NOX4: variants seen among roughly 807,000 people sequenced by gnomAD.
The protein encoded by NOX4 is kidney oxidase-1.
In NOX4, 69 loss-of-function variants were observed where a neutral mutation model predicts 87.6. The ratio of observed to expected loss-of-function variants is 0.79; its 90% confidence interval spans 0.65 to 0.96. NOX4 has a LOEUF of 0.96. NOX4 is among the 40% of genes least tolerant of loss of function. NOX4 has a pLI of 0.00. For missense variants in NOX4, 680 were observed against 681.5 expected (o/e 1.00, Z 0.02); for synonymous variants, 275 against 238.2 (o/e 1.15, Z -1.42).
intron 2 of NOX4, among the ~76,000 whole-genome samples, chr11:89,460,205 A>C (rs950078001): frequency 5.9e-5 from 9 of 152,204 alleles, no homozygotes; most frequent in African/African-American, 2.2e-4. Flanking sequence ...AATCAAAAAA[A>C]CCCTAGAAGA....
chr11:89,440,085 A>G lies in NOX4; in HGVS notation c.475+603T>C, dbSNP rs78715665. On this transcript the variant is annotated intron_variant, in intron 6 of 17. Coordinates refer to ENST00000263317, the MANE Select transcript of NOX4 (RefSeq NM_016931.5). ...GCAGCAGGCACAAAGCAGGCCCTCAATAAGAATGCGGTTGCATTGTTTTGA... is the reference window on the plus strand; with the variant it reads ...GCAGCAGGCACAAAGCAGGCCCTCAGTAAGAATGCGGTTGCATTGTTTTGA... 6.2e-3 allele frequency among the ~76,000 whole-genome samples: 939 copies of G among 152,272 alleles called. 8 individuals carry two copies. Among genetic ancestry groups the G allele is most frequent in the African/African-American group, 0.022 (903 of 41,560 alleles).
the NOX4 span, among the ~76,000 whole-genome samples, chr11:89,581,506 G>T: frequency 6.6e-6 from 1 of 152,016 alleles, no homozygotes; most frequent in Admixed American, 6.6e-5. Flanking sequence ...ATAATTTTGA[G>T]AACTTAGAAA....
intron 2 of NOX4, among the ~76,000 whole-genome samples, chr11:89,458,944 C>T (rs1591308406): frequency 1.3e-5 from 2 of 152,114 alleles, no homozygotes; most frequent in East Asian, 3.9e-4. Context: ...TCCAGCAATC[C>T]CATGATTGAA....
At chr11:89,358,396 A>T (rs1938246759) in intron 12 of NOX4, among the ~76,000 whole-genome samples, 1 of 150,344 alleles carries the variant, frequency 6.7e-6, no homozygotes, top group Admixed American at 6.6e-5. Flanking sequence ...CAAAAAAAAA[A>T]AAAAAAAAAA....
the NOX4 span, chr11:89,577,311 T>A: frequency 6.6e-6 from 1 of 152,160 alleles, no homozygotes; most frequent in East Asian, 1.9e-4. Context: ...ATCTAGAAGA[T>A]TAAGTCACAG....
At chr11:89,524,570 T>C in the NOX4 span, among the ~76,000 whole-genome samples, 1 of 152,094 alleles carries the variant, frequency 6.6e-6, no homozygotes, top group African/African-American at 2.4e-5. Flanking sequence ...GAGGTTCACA[T>C]AAAGTAAAAT....
intron 6 of NOX4, among the ~76,000 whole-genome samples, chr11:89,434,416 C>T (rs1378626994): frequency 2.0e-5 from 3 of 152,174 alleles, no homozygotes; most frequent in East Asian, 1.9e-4. Context: ...CTTCTTTACG[C>T]TTCCTTCCTA....
At chr11:89,404,715 A>G (rs529341317) in intron 8 of NOX4, among the ~76,000 whole-genome samples, 28 of 152,262 alleles carry the variant, frequency 1.8e-4, no homozygotes, top group African/African-American at 6.3e-4. Flanking sequence ...TTCAAATTCT[A>G]TGCTCTTCAC....
chr11:89,457,498 G>A (rs1367368171), intron 2 of NOX4, among the ~76,000 whole-genome samples: 1 of 152,066 alleles, frequency 6.6e-6, no homozygotes, highest in African/African-American at 2.4e-5. Context: ...GGACACCTCA[G>A]CCCCCCGAGT....
At chr11:89,478,898 A>C (rs1398821334) in intron 2 of NOX4, among the ~76,000 whole-genome samples, 1 of 152,094 alleles carries the variant, frequency 6.6e-6, no homozygotes, top group Non-Finnish European at 1.5e-5. Flanking sequence ...ACCCCAGAGA[A>C]TAATCACTTG....
At chr11:89,340,901 A>G (rs1247149455) in intron 14 of NOX4, among the ~76,000 whole-genome samples, 4 of 152,104 alleles carry the variant, frequency 2.6e-5, no homozygotes, top group Admixed American at 2.0e-4. Context: ...ATTTACATCT[A>G]GTATTTAAAA....
intron 11 of NOX4, among the ~76,000 whole-genome samples, chr11:89,384,782 C>T (rs1002631871): frequency 2.0e-4 from 31 of 152,260 alleles, no homozygotes; most frequent in African/African-American, 6.0e-4. Flanking sequence ...GAGCTGGGAC[C>T]GCACCCTGTA....
chr11:89,337,312 G>A (rs1945758757), intron 16 of NOX4, 135 bp downstream of exon 16: 2 of 1,344,326 alleles, frequency 1.5e-6, no homozygotes, highest in African/African-American at 2.9e-5. Flanking sequence ...GACTTTCCTG[G>A]ACATATTCCA....
intron 9 of NOX4, 53 bp downstream of exon 9, chr11:89,402,273 A>G (rs1465174214): frequency 2.3e-6 from 3 of 1,282,486 alleles, no homozygotes; most frequent in South Asian, 1.2e-5. Flanking sequence ...TGTGATGTTG[A>G]TCAGTCAAAT....
intron 2 of NOX4, among the ~76,000 whole-genome samples, chr11:89,481,226 C>T (rs894138934): frequency 6.6e-6 from 1 of 151,766 alleles, no homozygotes; most frequent in South Asian, 2.1e-4. Flanking sequence ...ATCTTTATGT[C>T]TCTGAATTCT....
At chr11:89,587,972 G>A in the NOX4 span, among the ~76,000 whole-genome samples, 9 of 151,920 alleles carry the variant, frequency 5.9e-5, no homozygotes, top group South Asian at 2.1e-4. Flanking sequence ...AGATTTCTGG[G>A]GGAAAAAATC....
At chr11:89,522,813 A>G in the NOX4 span, among the ~76,000 whole-genome samples, 6 of 152,196 alleles carry the variant, frequency 3.9e-5, no homozygotes, top group Non-Finnish European at 7.3e-5. Context: ...TTTATTGCAG[A>G]GTACTTCCCA....
chr11:89,482,412 G>A lies in NOX4; in HGVS notation c.153+8046C>T, dbSNP rs1353430381. Among the ~76,000 whole-genome samples, 4 of 152,040 alleles carry A rather than the reference G, an allele frequency of 2.6e-5. No individual in the cohort carries two copies. In the East Asian group the frequency reaches 7.7e-4, roughly 29 times the overall value. ...ACACAATCTTTAAAGGGGTAATTAA[G>A]GTTAAATGAGGTCATTGGGATGGGC... On this transcript the variant is annotated intron_variant, in intron 2 of 17. Coordinates refer to ENST00000263317, the MANE Select transcript of NOX4 (RefSeq NM_016931.5).
the NOX4 span, among the ~76,000 whole-genome samples, chr11:89,523,424 G>A: frequency 2.0e-5 from 3 of 152,140 alleles, no homozygotes; most frequent in East Asian, 1.9e-4. Context: ...ATATATAAAC[G>A]TAAAGTAGTC....
Sources: allele counts gnomAD v4.1 joint callset (sites outside exome capture counted in the v4.1 genomes callset), GRCh38; gene constraint gnomAD v4.1.1; transcripts MANE v1.5; gene names NCBI Gene and HGNC (gene_info 2026-07-23, HGNC 2026-07-21).